Variants in SSH2 observed in about 807,000 individuals in gnomAD.
The protein encoded by SSH2 is protein phosphatase Slingshot homolog 2.
Under a neutral mutation model 135.2 loss-of-function variants are expected in SSH2, and 37 were observed. The observed-to-expected ratio is 0.27, with a 90% CI of 0.21 to 0.36. SSH2 has a LOEUF of 0.36. SSH2 is among the 10% of genes least tolerant of loss of function. The pLI is 1.00. For synonymous variants in SSH2, 628 were observed against 646.2 expected, an observed-to-expected ratio of 0.97 and a Z score of 0.43; for missense variants, 1,408 against 1,765.3, an observed-to-expected ratio of 0.80 and a Z score of 3.63.
chr17:29,686,083 G>C (rs2038206776), intron 5 of SSH2, among the ~76,000 whole-genome samples: 1 of 151,916 alleles, frequency 6.6e-6, no homozygotes, highest in African/African-American at 2.4e-5. Flanking sequence ...CCCAAGCTCA[G>C]GTGGTCTGCC....
intron 2 of SSH2, among the ~76,000 whole-genome samples, chr17:29,807,274 T>C (rs1032997545): frequency 6.6e-5 from 10 of 152,174 alleles, no homozygotes; most frequent in Non-Finnish European, 1.5e-4. Context: ...AAAAAGAAAT[T>C]AGAATATTTA....
intron 3 of SSH2, among the ~76,000 whole-genome samples, chr17:29,790,196 C>T (rs1011634170): frequency 6.6e-6 from 1 of 152,010 alleles, no homozygotes; most frequent in African/African-American, 2.4e-5. Context: ...ATGTTGAAGC[C>T]CTACCCTCGA....
chr17:29,856,845 T>A (rs562622491), intron 1 of SSH2, among the ~76,000 whole-genome samples: 1 of 152,338 alleles, frequency 6.6e-6, no homozygotes, highest in African/African-American at 2.4e-5. Flanking sequence ...GCACCTATTT[T>A]TCTGCCCTTG....
At chr17:29,642,005 T>C (rs1359277298) in intron 14 of SSH2, among the ~76,000 whole-genome samples, 1 of 151,976 alleles carries the variant, frequency 6.6e-6, no homozygotes, top group East Asian at 1.9e-4. Flanking sequence ...CTATAGTTAC[T>C]TTTTGGGGTA....
At chr17:29,712,344 C>A (rs1176485079) in intron 3 of SSH2, among the ~76,000 whole-genome samples, 1 of 152,166 alleles carries the variant, frequency 6.6e-6, no homozygotes, top group Non-Finnish European at 1.5e-5. Context: ...GGCAGTTTTG[C>A]CCTAAGCACT....
At chr17:29,761,406 CCAG>C in intron 3 of SSH2, 1 of 1,060,594 alleles carries the variant, frequency 9.4e-7, no homozygotes, top group Non-Finnish European at 1.1e-6. Context: ...CGCCGAAGCC[CCAG>C]GGCTCGGCGG....
intron 1 of SSH2, among the ~76,000 whole-genome samples, chr17:29,899,384 C>T (rs534855214): frequency 3.9e-5 from 6 of 152,126 alleles, no homozygotes; most frequent in South Asian, 2.1e-4. Flanking sequence ...AAAACCCCAT[C>T]GTCTCAGCCC....
At chr17:29,847,385 C>G (rs1473647182) in intron 2 of SSH2, among the ~76,000 whole-genome samples, 1 of 152,148 alleles carries the variant, frequency 6.6e-6, no homozygotes. Flanking sequence ...GGGCAGAGAC[C>G]AGGGCCTCTC....
At chr17:29,761,312 G>C (rs1298016269) in intron 3 of SSH2, 2 of 1,241,168 alleles carry the variant, frequency 1.6e-6, no homozygotes, top group Non-Finnish European at 2.1e-6. Flanking sequence ...CCGCATCCTG[G>C]CCTCTGCTCT....
chr17:29,635,852 G>T, intron 15 of SSH2, 116 bp downstream of exon 15: 1 of 869,458 alleles, frequency 1.2e-6, no homozygotes, highest in Non-Finnish European at 1.8e-6. Flanking sequence ...TAAACCCTAA[G>T]TTTTCAAAGA....
intron 3 of SSH2, among the ~76,000 whole-genome samples, chr17:29,742,277 C>T (rs1308386022): frequency 6.7e-6 from 1 of 148,674 alleles, no homozygotes; most frequent in South Asian, 2.1e-4. Flanking sequence ...AACAAAAAAC[C>T]AAACAAACAA....
chr17:29,675,126 C>T (rs1449744935), intron 8 of SSH2, among the ~76,000 whole-genome samples: 1 of 152,154 alleles, frequency 6.6e-6, no homozygotes, highest in Non-Finnish European at 1.5e-5. Flanking sequence ...TTCCTGTTTT[C>T]CATGAGAAAC....
At chr17:29,744,066 G>A (rs931820599) in intron 3 of SSH2, among the ~76,000 whole-genome samples, 3 of 152,128 alleles carry the variant, frequency 2.0e-5, no homozygotes, top group African/African-American at 2.4e-5. Flanking sequence ...TATTCACAGG[G>A]TTAAAAATAT....
At chr17:29,920,085 T>A (rs1348721412) in intron 1 of SSH2, among the ~76,000 whole-genome samples, 2 of 152,128 alleles carry the variant, frequency 1.3e-5, no homozygotes, top group Admixed American at 1.3e-4. Context: ...TTTGTATTGT[T>A]AGTAGAGACA....
chr17:29,761,871 G>GTGTA (rs1334168372), intron 3 of SSH2, among the ~76,000 whole-genome samples: 2 of 98,774 alleles, frequency 2.0e-5, no homozygotes, highest in African/African-American at 8.7e-5. Flanking sequence ...GTGTGTGTGT[G>GTGTA]TATATATATA....
intron 3 of SSH2, among the ~76,000 whole-genome samples, chr17:29,741,435 G>C (rs1487786267): frequency 6.6e-6 from 1 of 151,994 alleles, no homozygotes; most frequent in Non-Finnish European, 1.5e-5. Flanking sequence ...GCAAAAAACT[G>C]GACATAATCA....
At chr17:29,753,408 G>C (rs1295178427) in intron 3 of SSH2, among the ~76,000 whole-genome samples, 2 of 151,886 alleles carry the variant, frequency 1.3e-5, no homozygotes, top group East Asian at 3.9e-4. Flanking sequence ...TGGGATTATA[G>C]GTGTGAGCCA....
At chr17:29,839,848 G>C (rs2043008179) in intron 2 of SSH2, among the ~76,000 whole-genome samples, 1 of 152,190 alleles carries the variant, frequency 6.6e-6, no homozygotes, top group Non-Finnish European at 1.5e-5. Flanking sequence ...CACCGGCTGG[G>C]AGTGTCAGGC....
intron 5 of SSH2, among the ~76,000 whole-genome samples, chr17:29,691,096 G>GA (rs150201804): frequency 1.0e-4 from 15 of 149,424 alleles, no homozygotes; most frequent in African/African-American, 3.2e-4. Flanking sequence ...TTGTTTGGGA[G>GA]AAAAAAAAAC....
Sources: gnomAD v4.1 joint callset for allele counts (sites outside exome capture counted in the v4.1 genomes callset) on GRCh38, gnomAD v4.1.1 for gene constraint, MANE v1.5 for transcripts, NCBI Gene and HGNC (gene_info 2026-07-23, HGNC 2026-07-21) for gene names.